Variants in ADD1 observed in about 807,000 individuals in gnomAD.
ADD1 encodes the protein adducin 1.
A neutral mutation model predicts 80.5 loss-of-function variants in ADD1; 24 were observed. That is an observed-to-expected ratio of 0.30 (90% CI 0.22 to 0.42). The LOEUF is 0.42. Among genes scored for constraint, ADD1 ranks in the 10% least tolerant of loss-of-function variants. The pLI is 1.00. For synonymous variants in ADD1, 373 were observed against 393.8 expected (o/e 0.95, Z 0.63); for missense variants, 948 against 1,019.0 (o/e 0.93, Z 0.95).
At chr4:2,879,535 A>G (rs987073046) in intron 2 of ADD1, among the ~76,000 whole-genome samples, 8 of 152,170 alleles carry the variant, frequency 5.3e-5, no homozygotes, top group Non-Finnish European at 7.3e-5. Flanking sequence ...GGGCTCCTGA[A>G]GGCAAGGAGC....
chr4:2,898,609 T>A, intron 8 of ADD1, 78 bp downstream of exon 8: 1 of 1,252,224 alleles, frequency 8.0e-7, no homozygotes, highest in South Asian at 1.2e-5. Flanking sequence ...TTTTGATACT[T>A]ATCGAGTAGG....
At chr4:2,871,927 C>T (rs921455961) in intron 1 of ADD1, among the ~76,000 whole-genome samples, 1 of 152,168 alleles carries the variant, frequency 6.6e-6, no homozygotes, top group Non-Finnish European at 1.5e-5. Flanking sequence ...AATCAGGATC[C>T]TACTAAGGTC....
Position 2,894,037 on chromosome 4 carries a change from C to A in ADD1, c.535C>A (p.His179Asn). 1.2e-6 allele frequency: 2 copies of A among 1,614,174 alleles called. No homozygotes were observed. The highest frequency in any genetic ancestry group is 1.7e-6 in the Non-Finnish European group (2 of 1,180,012). The change falls in exon 5 of 16, where the codon CAC becomes AAC. Residue 179 changes from histidine to asparagine, a missense_variant. Transcript: ENST00000683351. ...ITTRVNSEQE[H>N]FLIVPFGLLY... ...GACCAGAGTGAACTCCGAGCAGGAACACTTCCTCATTGTCCCTTTTGGGCT... is the reference window on the plus strand; with the variant it reads ...GACCAGAGTGAACTCCGAGCAGGAAAACTTCCTCATTGTCCCTTTTGGGCT...
At chr4:2,877,015 A>C (rs1032713008) in intron 2 of ADD1, among the ~76,000 whole-genome samples, 2 of 152,032 alleles carry the variant, frequency 1.3e-5, no homozygotes, top group African/African-American at 4.8e-5. Flanking sequence ...AAAAAAAAAA[A>C]AAAACCCTAG....
chr4:2,921,736 C>CA (rs1740082847), intron 14 of ADD1, among the ~76,000 whole-genome samples: 1 of 152,098 alleles, frequency 6.6e-6, no homozygotes, highest in Non-Finnish European at 1.5e-5. Flanking sequence ...GTGTTTTCCA[C>CA]CTTGGTTTCA....
rs752819576 is a variant in ADD1 at position 2,928,245 on chromosome 4, CCT to C, written c.2123_2124del (p.Pro708ArgfsTer2). ...TFKPTLPDLS[P>X]DEPSEALGFP... ...TAAGCCAACTCTCCCCGATCTGTCC[CCT>C]GATGAACCTTCAGAAGCACTCGGCT... On this transcript the variant is annotated frameshift_variant, in exon 16 of 16. Transcript: ENST00000683351. LOFTEE classifies it low-confidence loss of function (END_TRUNC). 2.2e-5 allele frequency: 36 copies of C among 1,613,942 alleles called. No individual in the cohort carries two copies. The highest frequency in any genetic ancestry group is 2.9e-5 in the Non-Finnish European group (34 of 1,180,010).
At chr4:2,895,240 AG>A (rs1034255308) in intron 6 of ADD1, among the ~76,000 whole-genome samples, 5 of 152,206 alleles carry the variant, frequency 3.3e-5, no homozygotes, top group African/African-American at 1.2e-4. Context: ...TGGGTGACAG[AG>A]TAAGACCTTG....
Position 2,926,296 on chromosome 4 carries a change from T to G in ADD1, c.2047+184T>G. The G allele has an allele frequency of 1.4e-6, 1 of 727,578 alleles. No homozygotes were observed. The highest frequency in any genetic ancestry group is 2.5e-6 in the Non-Finnish European group (1 of 404,376). The allele number at this position is 727,578 out of a possible 1,614,324, so 45.1% of individuals were successfully genotyped here. On this transcript the variant is annotated intron_variant, in intron 15 of 15. Transcript: ENST00000683351. This position sits in a 1 kb window ranked among gnomAD's most constrained non-coding sequence, Gnocchi z 5.0. ...CTGGGTAACTCCAGGCAAAACAGATTTGTATGTGAGCTGTGACCAGGTAGG... is the reference window on the plus strand; with the variant it reads ...CTGGGTAACTCCAGGCAAAACAGATGTGTATGTGAGCTGTGACCAGGTAGG...
intron 4 of ADD1, among the ~76,000 whole-genome samples, chr4:2,889,755 G>C (rs749502779): frequency 2.0e-5 from 3 of 152,194 alleles, no homozygotes; most frequent in Non-Finnish European, 4.4e-5. Flanking sequence ...CCTAGAGGCA[G>C]AGGTTGCAGT....
In ADD1 at chr4:2,903,235, T is replaced by C. The variant is rs149877200; in HGVS notation, c.1162-1529T>C. Reference sequence around the variant, plus strand: ...GCAGTCCCTCCAAGTCCTGATTCTCTTGTGATGTATTGTGAAGGTGCTGTG... The same window carrying C: ...GCAGTCCCTCCAAGTCCTGATTCTCCTGTGATGTATTGTGAAGGTGCTGTG... On this transcript the variant is annotated intron_variant, in intron 9 of 15. Transcript: ENST00000683351. 5.9e-5 allele frequency among the ~76,000 whole-genome samples: 9 copies of C among 152,262 alleles called. No individual in the cohort carries two copies. The East Asian group carries it at 1.7e-3, about 29-fold the overall frequency.
At chr4:2,850,644 C>G (rs1726939983) in intron 1 of ADD1, among the ~76,000 whole-genome samples, 1 of 152,206 alleles carries the variant, frequency 6.6e-6, no homozygotes, top group African/African-American at 2.4e-5. Context: ...CCAGGATGGT[C>G]TCAATCTCCT....
chr4:2,904,475 A>C (rs1390430711), intron 9 of ADD1, among the ~76,000 whole-genome samples: 1 of 152,240 alleles, frequency 6.6e-6, no homozygotes, highest in Non-Finnish European at 1.5e-5. Flanking sequence ...ACATTGTGTC[A>C]CTATAAGCCT....
chr4:2,924,383 G>A (rs1371251450), intron 14 of ADD1, among the ~76,000 whole-genome samples: 1 of 152,188 alleles, frequency 6.6e-6, no homozygotes, highest in Non-Finnish European at 1.5e-5. Context: ...GCTCTGAGCA[G>A]CCTTGGTGCT....
intron 1 of ADD1, among the ~76,000 whole-genome samples, chr4:2,852,282 T>G (rs4039742): frequency 1.3e-5 from 1 of 78,110 alleles, no homozygotes; most frequent in Non-Finnish European, 3.0e-5. Context: ...TCCTTCCTTC[T>G]TTTCTTTTCT....
At chr4:2,851,962 C>A (rs2108786046) in intron 1 of ADD1, among the ~76,000 whole-genome samples, 1 of 152,102 alleles carries the variant, frequency 6.6e-6, no homozygotes, top group African/African-American at 2.4e-5. Flanking sequence ...CTTCAGCCTC[C>A]CGAGTAGCTG....
At chr4:2,927,794 A>C (rs1712098523) in intron 15 of ADD1, among the ~76,000 whole-genome samples, 2 of 152,224 alleles carry the variant, frequency 1.3e-5, no homozygotes, top group Admixed American at 1.3e-4. Context: ...CAGTACTACT[A>C]GTACATGCCC....
In ADD1 at chr4:2,928,185, C is replaced by A. The variant is rs772975016; in HGVS notation, c.2062C>A (p.Pro688Thr). ...TCACCCACTAGACCTTGTGCCGGAG[C>A]CGACTACTGGAGATGACAGTGATGC... ...IKLEEDLVPE[P>T]TTGDDSDAAT... The change falls in exon 16 of 16, where the codon CCG (proline) becomes ACG (threonine). Residue 688 changes from proline (P) to threonine (T), a missense_variant. Physicochemically the swap from Pro to Thr is conservative, Grantham distance 38. Coordinates refer to ENST00000683351, the MANE Select transcript of ADD1 (RefSeq NM_001354761.2). 2.5e-6 allele frequency: 4 copies of A among 1,613,960 alleles called. No homozygotes were observed. Among genetic ancestry groups the A allele is most frequent in the Non-Finnish European group, 3.4e-6 (4 of 1,180,004 alleles).
At chr4:2,887,106 G>A (rs561308507) in intron 4 of ADD1, among the ~76,000 whole-genome samples, 2 of 152,128 alleles carry the variant, frequency 1.3e-5, no homozygotes, top group African/African-American at 4.8e-5. Context: ...ATCTCCTTGG[G>A]GCTTAATACC....
intron 4 of ADD1, among the ~76,000 whole-genome samples, chr4:2,891,141 G>A (rs961884212): frequency 6.6e-6 from 1 of 151,794 alleles, no homozygotes; most frequent in Non-Finnish European, 1.5e-5. Flanking sequence ...AAAAAAAAAG[G>A]TCAGCATGCT....
Sources: allele counts gnomAD v4.1 joint callset (sites outside exome capture counted in the v4.1 genomes callset), GRCh38; gene constraint gnomAD v4.1.1; non-coding constraint Gnocchi (gnomAD v3.1); transcripts MANE v1.5; gene names NCBI Gene and HGNC (gene_info 2026-07-23, HGNC 2026-07-21).